The following AGPAT5 variants were observed in gnomAD, a reference collection of about 807,000 sequenced individuals.
AGPAT5 encodes 1-acyl-sn-glycerol-3-phosphate acyltransferase epsilon.
Under a neutral mutation model 45.6 loss-of-function variants are expected in AGPAT5, and 46 were observed. The ratio of observed to expected loss-of-function variants is 1.01; its 90% CI spans 0.80 to 1.29. The LOEUF (loss-of-function observed/expected upper bound fraction) is 1.29, where lower values mean the gene tolerates loss of function less well. Ranked by LOEUF, AGPAT5 falls within the 50% of genes most tolerant of loss-of-function variation. The pLI, the probability that AGPAT5 is intolerant of heterozygous loss-of-function variation, is 0.00. For synonymous variants in AGPAT5, 272 were observed against 167.0 expected (o/e 1.63, Z -4.85); for missense variants, 673 against 450.7 (o/e 1.49, Z -4.47).
intron 4 of AGPAT5, among the ~76,000 whole-genome samples, chr8:6,740,212 T>C (rs1050954628): frequency 6.6e-6 from 1 of 152,060 alleles, no homozygotes; most frequent in African/African-American, 2.4e-5. Context: ...TCGTTTTATT[T>C]ATAAATGACT....
At chr8:6,735,350 G>C (rs543625285) in intron 4 of AGPAT5, among the ~76,000 whole-genome samples, 1 of 152,114 alleles carries the variant, frequency 6.6e-6, no homozygotes. Flanking sequence ...AGTCTTCCCT[G>C]ACCGCAGTGT....
chr8:6,755,374 C>T (rs1431459897), intron 7 of AGPAT5, among the ~76,000 whole-genome samples, 200 bp downstream of exon 7: 1 of 152,196 alleles, frequency 6.6e-6, no homozygotes, highest in East Asian at 1.9e-4. Context: ...ACAGTGGGCC[C>T]ATCTACTTGC....
intron 1 of AGPAT5, among the ~76,000 whole-genome samples, chr8:6,715,152 A>G (rs1478715277): frequency 2.0e-5 from 3 of 152,242 alleles, no homozygotes; most frequent in Non-Finnish European, 4.4e-5. Context: ...TATGGAGGTC[A>G]CATTCTAGTG....
At chr8:6,737,833 T>G (rs2116917881) in intron 4 of AGPAT5, among the ~76,000 whole-genome samples, 1 of 152,346 alleles carries the variant, frequency 6.6e-6, no homozygotes, top group East Asian at 1.9e-4. Flanking sequence ...CCACTTCAAT[T>G]TTATGTTATG....
At chr8:6,727,458 T>C (rs143019938) in intron 2 of AGPAT5, among the ~76,000 whole-genome samples, 1,817 of 152,240 alleles carry the variant, frequency 0.012, 16 homozygotes, top group Middle Eastern at 0.037. Flanking sequence ...CTCAGCTCAC[T>C]GCAACCTTTG....
In AGPAT5 at chr8:6,757,923, G is replaced by C. The variant is rs1029280460; in HGVS notation, c.*535G>C. ...GGTAAAAAGTGTTCATGGGGAAAAA[G>C]CTCTGTTTAGCACATGATTTTATTG... On this transcript the variant is annotated 3_prime_UTR_variant, in exon 8 of 8. Coordinates refer to ENST00000285518, the MANE Select transcript of AGPAT5 (RefSeq NM_018361.5). 6.6e-6 allele frequency: 1 copy of C among 152,536 alleles called. No homozygotes were observed. The highest frequency in any genetic ancestry group is 1.5e-5 in the Non-Finnish European group (1 of 68,308). The allele number at this position is 152,536 out of a possible 1,614,324, so 9.4% of individuals were successfully genotyped here.
rs1800538988 is a variant in AGPAT5 at position 6,722,569 on chromosome 8, T to A, written c.220-2301T>A. On this transcript the variant is annotated intron_variant, in intron 1 of 7. Transcript: ENST00000285518. ...GCATGTGATTACTTTAGATGCCGTA[T>A]GACTACCTGTTTTTAAGATTAAAAA... is the stretch of plus-strand genomic sequence containing the variant. Among the ~76,000 whole-genome samples, 3 of 152,330 alleles carry A rather than the reference T, an allele frequency of 2.0e-5. No individual in the cohort carries two copies. The South Asian group carries it at 6.2e-4, about 32-fold the overall frequency.
At chr8:6,718,335 T>A (rs1274758823) in intron 1 of AGPAT5, among the ~76,000 whole-genome samples, 1 of 152,216 alleles carries the variant, frequency 6.6e-6, no homozygotes, top group Non-Finnish European at 1.5e-5. Flanking sequence ...CTGGCTTTGA[T>A]GCTTGCTTTC....
intron 1 of AGPAT5, among the ~76,000 whole-genome samples, chr8:6,719,218 T>G (rs1424483292): frequency 1.3e-5 from 2 of 152,200 alleles, no homozygotes; most frequent in African/African-American, 4.8e-5. Context: ...CACTTCCAAC[T>G]AGAAAGAATT....
intron 4 of AGPAT5, among the ~76,000 whole-genome samples, chr8:6,740,049 T>C (rs1801194327): frequency 6.6e-6 from 1 of 152,172 alleles, no homozygotes; most frequent in Admixed American, 6.5e-5. Flanking sequence ...TGTTATCCTT[T>C]GTGCAGTTCC....
chr8:6,734,879 T>C lies in AGPAT5; in HGVS notation c.495+2229T>C, dbSNP rs78753767. Among the ~76,000 whole-genome samples, 1,401 of 152,250 alleles carry C rather than the reference T, an allele frequency of 9.2e-3. 12 individuals are homozygous for C. Among genetic ancestry groups the C allele is most frequent in the Non-Finnish European group, 0.015 (1,054 of 68,004 alleles). On this transcript the variant is annotated intron_variant, in intron 4 of 7. Transcript: ENST00000285518. ...TAGAACTCATTACTTTGTTTGTAGG[T>C]TGGGGATGTCCTCCCGCTAGAGCTT...
At chr8:6,709,933 C>T (rs574472074) in intron 1 of AGPAT5, among the ~76,000 whole-genome samples, 1 of 152,274 alleles carries the variant, frequency 6.6e-6, no homozygotes, top group East Asian at 1.9e-4. Flanking sequence ...GTCATGGTTT[C>T]CTGGTAGTTG....
intron 2 of AGPAT5, among the ~76,000 whole-genome samples, chr8:6,729,779 T>C (rs1321500257): frequency 2.6e-5 from 4 of 152,254 alleles, no homozygotes; most frequent in Non-Finnish European, 5.9e-5. Context: ...TTATTGCTAC[T>C]GTTATCAATT....
At position 6,708,691 on chromosome 8, in the gene AGPAT5, A is replaced by C; in HGVS notation, c.23A>C (p.His8Pro). 6.2e-7 allele frequency: 1 copy of C among 1,602,722 alleles called. No individual in the cohort carries two copies. The highest frequency in any genetic ancestry group is 1.3e-5 in the African/African-American group (1 of 74,870). MLLSLVL[H>P]TYSMRYLLPS... ...AAGATGCTGCTGTCCCTGGTGCTCC[A>C]CACGTACTCCATGCGCTACCTGCTG... is the stretch of plus-strand genomic sequence containing the variant. Residue 8 changes from histidine to proline, a missense_variant, in exon 1 of 8, where the codon CAC (histidine) becomes CCC (proline). Transcript: ENST00000285518.
chr8:6,747,533 C>A (rs1360696571), intron 5 of AGPAT5, 137 bp from the exon 6 acceptor site: 3 of 791,782 alleles, frequency 3.8e-6, no homozygotes, highest in East Asian at 2.7e-5. Flanking sequence ...AACTTAGAGC[C>A]CTAAATATAT....
rs565291783 is a variant in AGPAT5 at position 6,760,909 on chromosome 8, A to C, written c.*3521A>C. 3.9e-5 allele frequency among the ~76,000 whole-genome samples: 6 copies of C among 152,326 alleles called. No individual in the cohort carries two copies. Among genetic ancestry groups the C allele is most frequent in the Admixed American group, 1.3e-4 (2 of 15,290 alleles). Reference sequence around the variant, plus strand: ...TTAACTGAATTTAAAACCTTCAACTATTATGAAGTGCTCGTCTGTACAATC... The same window carrying C: ...TTAACTGAATTTAAAACCTTCAACTCTTATGAAGTGCTCGTCTGTACAATC... On this transcript the variant is annotated 3_prime_UTR_variant, in exon 8 of 8. Coordinates refer to ENST00000285518, the MANE Select transcript of AGPAT5 (RefSeq NM_018361.5).
rs972323930 is a variant in AGPAT5, at chr8:6,746,089, C to A, written c.587-1581C>A. The A allele has an allele frequency of 1.0e-4, 11 of 105,362 alleles. No individual in the cohort carries two copies. The Admixed American group carries it at 1.2e-3, about 12-fold the overall frequency. The allele number at this position is 105,362 out of a possible 1,614,324, so 6.5% of individuals were successfully genotyped here. On this transcript the variant is annotated intron_variant, in intron 5 of 7. Coordinates refer to ENST00000285518, the MANE Select transcript of AGPAT5 (RefSeq NM_018361.5). Reference sequence around the variant, plus strand: ...TTTTCTTTCTGCATTCTTCTCCCTCCCTCTCTTCCTTCTCTCCCCCACTCC... The same window carrying A: ...TTTTCTTTCTGCATTCTTCTCCCTCACTCTCTTCCTTCTCTCCCCCACTCC...
intron 6 of AGPAT5, among the ~76,000 whole-genome samples, chr8:6,751,032 T>G (rs555568422): frequency 6.6e-6 from 1 of 152,208 alleles, no homozygotes; most frequent in South Asian, 2.1e-4. Flanking sequence ...AACTCTGCTT[T>G]CATTGTTTTT....
At chr8:6,733,584 C>G (rs748767517) in intron 4 of AGPAT5, among the ~76,000 whole-genome samples, 3 of 152,140 alleles carry the variant, frequency 2.0e-5, no homozygotes, top group South Asian at 2.1e-4. Context: ...CCCTTGAGAA[C>G]CAAGCTTGGT....
Sources: gnomAD v4.1 joint callset for allele counts (sites outside exome capture counted in the v4.1 genomes callset) on GRCh38, gnomAD v4.1.1 for gene constraint, MANE v1.5 for transcripts, NCBI Gene and HGNC (gene_info 2026-07-23, HGNC 2026-07-21) for gene names.